TSHZ3: variants seen among roughly 807,000 people sequenced by gnomAD.
TSHZ3 encodes the protein teashirt homolog 3.
Under a neutral mutation model 64.5 loss-of-function variants are expected in TSHZ3, and 10 were observed. That is an observed-to-expected ratio of 0.16 (90% confidence interval 0.10 to 0.26). The LOEUF (loss-of-function observed/expected upper bound fraction) is 0.26, where lower values mean the gene tolerates loss of function less well. Ranked by LOEUF, TSHZ3 falls within the 10% of genes least tolerant of loss-of-function variation. The pLI, the probability that TSHZ3 is intolerant of heterozygous loss-of-function variation, is 1.00. For synonymous variants in TSHZ3, 608 were observed against 593.1 expected (o/e 1.03, Z -0.36); for missense variants, 1,242 against 1,421.7 (o/e 0.87, Z 2.03).
chr19:31,205,404 G>A (rs992470573), intron 4 of TSHZ3, among the ~76,000 whole-genome samples: 3 of 152,090 alleles, frequency 2.0e-5, no homozygotes, highest in African/African-American at 7.2e-5. Context: ...TGCATTCACT[G>A]CAAGTCTGCG....
intron 4 of TSHZ3, among the ~76,000 whole-genome samples, chr19:31,214,535 G>A (rs1402375480): frequency 6.6e-6 from 1 of 152,194 alleles, no homozygotes; most frequent in Non-Finnish European, 1.5e-5. Flanking sequence ...CCTGGATAAG[G>A]CATTGCACCT....
chr19:31,326,541 C>G (rs1205873726), intron 1 of TSHZ3, among the ~76,000 whole-genome samples: 1 of 152,252 alleles, frequency 6.6e-6, no homozygotes, highest in African/African-American at 2.4e-5. Flanking sequence ...AGCACGCGTA[C>G]ACACCCACAC....
At chr19:31,222,927 G>A (rs79595905) in intron 4 of TSHZ3, among the ~76,000 whole-genome samples, 3,894 of 152,252 alleles carry the variant, frequency 0.026, 163 homozygotes, top group African/African-American at 0.089. Flanking sequence ...TACCCATGTG[G>A]GGTCAGCGAG....
intron 4 of TSHZ3, among the ~76,000 whole-genome samples, chr19:31,210,904 G>C (rs1019971233): frequency 2.6e-5 from 4 of 152,130 alleles, no homozygotes; most frequent in African/African-American, 9.7e-5. Flanking sequence ...ATCATACTCT[G>C]TGTTCCAAAC....
At chr19:31,150,923 C>T (rs1974230040) in exon 7 of TSHZ3, among the ~76,000 whole-genome samples, 1 of 152,112 alleles carries the variant, frequency 6.6e-6, no homozygotes, top group Admixed American at 6.5e-5. Flanking sequence ...TTCAAGGCAA[C>T]AGAGGCCACC....
intron 1 of TSHZ3, among the ~76,000 whole-genome samples, chr19:31,303,509 T>C (rs1359242429): frequency 6.6e-6 from 1 of 151,954 alleles, no homozygotes; most frequent in Admixed American, 6.6e-5. Flanking sequence ...ACAGGGCCCA[T>C]CTGGCACCTG....
At chr19:31,192,434 G>T (rs1188331971) in intron 5 of TSHZ3, among the ~76,000 whole-genome samples, 2 of 152,174 alleles carry the variant, frequency 1.3e-5, no homozygotes, top group Non-Finnish European at 2.9e-5. Context: ...TGTTTATAGT[G>T]GGAGAGTAAG....
intron 4 of TSHZ3, among the ~76,000 whole-genome samples, chr19:31,219,143 C>T (rs984397920): frequency 6.6e-5 from 10 of 152,174 alleles, no homozygotes; most frequent in Admixed American, 2.0e-4. Flanking sequence ...TTTCACCATA[C>T]GTATAAAATC....
At chr19:31,329,232 T>C (rs1183135683) in intron 1 of TSHZ3, among the ~76,000 whole-genome samples, 1 of 152,242 alleles carries the variant, frequency 6.6e-6, no homozygotes, top group African/African-American at 2.4e-5. Flanking sequence ...TCAACCCTAA[T>C]TGTGTAATTA....
intron 5 of TSHZ3, among the ~76,000 whole-genome samples, chr19:31,182,000 G>A (rs1205111772): frequency 6.6e-6 from 1 of 152,156 alleles, no homozygotes; most frequent in Non-Finnish European, 1.5e-5. Flanking sequence ...TCCACTGCAG[G>A]TGAATGCAGT....
downstream of TSHZ3, among the ~76,000 whole-genome samples, chr19:31,273,262 ATG>A (rs1340626564): frequency 6.6e-6 from 1 of 152,074 alleles, no homozygotes; most frequent in African/African-American, 2.4e-5. Context: ...CCCAATTCTG[ATG>A]TTTCTCTAGA....
chr19:31,307,754 C>T lies in TSHZ3; in HGVS notation c.41-28002G>A, dbSNP rs182751113. On this transcript the variant is annotated intron_variant, in intron 1 of 1. Transcript: ENST00000240587. Reference sequence around the variant, plus strand: ...GCCAATGTGTCAAGCAGCCTGCCTTCCTTAGGCGGGCCTTTAATGGGTAAC... The same window carrying T: ...GCCAATGTGTCAAGCAGCCTGCCTTTCTTAGGCGGGCCTTTAATGGGTAAC... Among the ~76,000 whole-genome samples the T allele has an allele frequency of 3.6e-3, 549 of 152,346 alleles. 3 individuals are homozygous for T. The highest frequency in any genetic ancestry group is 6.1e-3 in the Non-Finnish European group (418 of 68,022).
chr19:31,195,183 A>C (rs1310187219), intron 5 of TSHZ3, among the ~76,000 whole-genome samples: 1 of 148,208 alleles, frequency 6.7e-6, no homozygotes, highest in Non-Finnish European at 1.5e-5. Context: ...ATTTAAAACA[A>C]TAATGCCCCA....
chr19:31,180,401 T>C (rs1205355085), intron 5 of TSHZ3, among the ~76,000 whole-genome samples: 1 of 152,160 alleles, frequency 6.6e-6, no homozygotes, highest in African/African-American at 2.4e-5. Flanking sequence ...CATTTCTGTT[T>C]TCTCTGGTGC....
upstream of TSHZ3, among the ~76,000 whole-genome samples, chr19:31,349,786 G>A (rs543900239): frequency 6.7e-6 from 1 of 148,162 alleles, no homozygotes; most frequent in African/African-American, 2.5e-5. Context: ...GCCGCGGCCC[G>A]GGGCTCGGCG....
chr19:31,322,640 G>C (rs1041215691), intron 1 of TSHZ3, among the ~76,000 whole-genome samples: 1 of 150,166 alleles, frequency 6.7e-6, no homozygotes, highest in Non-Finnish European at 1.5e-5. Flanking sequence ...GGCTGGTCTC[G>C]AACTGCTAGC....
chr19:31,245,502 A>G (rs899516975), intron 1 of TSHZ3, among the ~76,000 whole-genome samples: 3 of 152,182 alleles, frequency 2.0e-5, no homozygotes, highest in Non-Finnish European at 4.4e-5. Flanking sequence ...AAAATTCAAA[A>G]CAAAACAACA....
chr19:31,272,416 A>G (rs1976155928), downstream of TSHZ3, among the ~76,000 whole-genome samples: 1 of 152,194 alleles, frequency 6.6e-6, no homozygotes, highest in Non-Finnish European at 1.5e-5. Flanking sequence ...GTCTGAGCGC[A>G]GGGCAGAGAA....
intron 1 of TSHZ3, among the ~76,000 whole-genome samples, chr19:31,322,147 T>C (rs1916791188): frequency 1.3e-5 from 2 of 152,124 alleles, no homozygotes; most frequent in South Asian, 4.1e-4. Context: ...TTTTTTTTTG[T>C]TTTTCTCAGA....
Sources: allele counts gnomAD v4.1 joint callset (sites outside exome capture counted in the v4.1 genomes callset), GRCh38; gene constraint gnomAD v4.1.1; transcripts MANE v1.5; gene names NCBI Gene and HGNC (gene_info 2026-07-23, HGNC 2026-07-21).